Variants in COX16 observed in about 807,000 individuals in gnomAD.
COX16 encodes cytochrome c oxidase assembly factor COX16.
A neutral mutation model predicts 15.4 loss-of-function variants in COX16; 12 were observed. The ratio of observed to expected loss-of-function variants is 0.78; its 90% confidence interval spans 0.50 to 1.26. The LOEUF (loss-of-function observed/expected upper bound fraction) is 1.26. Among genes scored for constraint, COX16 ranks in the 50% most tolerant of loss-of-function variants. The pLI is 0.00. For synonymous variants in COX16, 46 were observed against 41.1 expected (o/e 1.12, Z -0.46); for missense variants, 124 against 127.6 (o/e 0.97, Z 0.14).
intron 2 of COX16, among the ~76,000 whole-genome samples, chr14:70,338,188 A>C (rs1410305743): frequency 1.3e-5 from 2 of 152,202 alleles, no homozygotes; most frequent in African/African-American, 4.8e-5. Flanking sequence ...ATCACAGCTC[A>C]CTGCAGTCTC....
chr14:70,337,083 A>G (rs1482931344), intron 2 of COX16, among the ~76,000 whole-genome samples: 1 of 152,172 alleles, frequency 6.6e-6, no homozygotes, highest in African/African-American at 2.4e-5. Context: ...GATGGCTGCT[A>G]CTGGAGGTCA....
At chr14:70,326,886 A>AT (rs1886096660) in intron 3 of COX16, among the ~76,000 whole-genome samples, 1 of 152,180 alleles carries the variant, frequency 6.6e-6, no homozygotes, top group Non-Finnish European at 1.5e-5. Context: ...GACCAAGATC[A>AT]TTTGTCTTAC....
At chr14:70,351,265 C>A (rs747846165) in intron 1 of COX16, among the ~76,000 whole-genome samples, 1 of 152,192 alleles carries the variant, frequency 6.6e-6, no homozygotes, top group Non-Finnish European at 1.5e-5. Flanking sequence ...ATACCACACT[C>A]TCCCTTTAAT....
chr14:70,329,344 A>G, intron 2 of COX16, 108 bp from the exon 3 acceptor site: 1 of 937,554 alleles, frequency 1.1e-6, no homozygotes, highest in Non-Finnish European at 1.6e-6. Context: ...CCAAATACAA[A>G]CACATGGCAA....
At position 70,326,469 on chromosome 14, in the gene COX16, T is replaced by TAA. The variant is rs1886080794; in HGVS notation, c.205-22_205-21dup. 1.3e-6 allele frequency: 2 copies of TAA among 1,551,678 alleles called. No individual in the cohort carries two copies. Among genetic ancestry groups the TAA allele is most frequent in the Middle Eastern group, 1.8e-4 (1 of 5,614 alleles). ...GATTTTCTATAGAACCACAAAAAAT[T>TAA]AAAGTATAAATATTAGTATAAGAGC... On this transcript the variant is annotated intron_variant, in intron 3 of 3. Transcript: ENST00000389912.
In COX16 at chr14:70,326,411, A is replaced by C; in HGVS notation, c.243T>G (p.Ile81Met). Residue 81 changes from isoleucine to methionine, a missense_variant, in exon 4 of 4, where the codon ATT (isoleucine) becomes ATG (methionine). Physicochemically the swap from Ile to Met is conservative, Grantham distance 10 (BLOSUM62 1). Coordinates refer to ENST00000389912, the MANE Select transcript of COX16 (RefSeq NM_016468.7). ...KDSKFDDWKN[I>M]RGPRPWEDPD... is the part of the protein sequence containing the mutation. Reference sequence around the variant, plus strand: ...GATCTTCCCAAGGCCTGGGTCCTCGAATATTCTTCCAGTCATCAAACTTGG... The same window carrying C: ...GATCTTCCCAAGGCCTGGGTCCTCGCATATTCTTCCAGTCATCAAACTTGG... 6.3e-7 allele frequency: 1 copy of C among 1,597,894 alleles called. No homozygotes were observed. The highest frequency in any genetic ancestry group is 1.1e-5 in the South Asian group (1 of 87,956).
intron 1 of COX16, among the ~76,000 whole-genome samples, chr14:70,358,084 C>T (rs776440003): frequency 2.0e-5 from 3 of 152,066 alleles, no homozygotes; most frequent in Non-Finnish European, 2.9e-5. Context: ...TGTGAATGAA[C>T]CTTAAAAACA....
chr14:70,332,736 G>A (rs777137147), intron 2 of COX16, among the ~76,000 whole-genome samples: 8 of 152,014 alleles, frequency 5.3e-5, no homozygotes, highest in Non-Finnish European at 1.0e-4. Context: ...CAATGAGAGG[G>A]GATCATCAGC....
intron 2 of COX16, among the ~76,000 whole-genome samples, chr14:70,339,703 CT>C (rs1886566861): frequency 6.6e-6 from 1 of 152,174 alleles, no homozygotes; most frequent in Non-Finnish European, 1.5e-5. Flanking sequence ...CTTAACTCCT[CT>C]CAACATTACC....
chr14:70,334,474 A>G (rs1454138345), intron 2 of COX16, among the ~76,000 whole-genome samples: 3 of 152,176 alleles, frequency 2.0e-5, no homozygotes, highest in Non-Finnish European at 4.4e-5. Context: ...CCGAGATTGC[A>G]CCACTGCACT....
At chr14:70,348,011 C>T (rs1886833709) in intron 1 of COX16, among the ~76,000 whole-genome samples, 1 of 152,136 alleles carries the variant, frequency 6.6e-6, no homozygotes, top group Non-Finnish European at 1.5e-5. Context: ...TCCTCACTCT[C>T]CCAGACCTCA....
intron 1 of COX16, 191 bp downstream of exon 1, chr14:70,359,328 G>A (rs1887226990): frequency 1.5e-6 from 1 of 663,300 alleles, no homozygotes; most frequent in South Asian, 1.5e-5. Flanking sequence ...GTGGGGGACA[G>A]CGGCGGGGAA....
intron 1 of COX16, among the ~76,000 whole-genome samples, chr14:70,354,982 CTCTCCTTTCCTGTATCATCAAAA>C (rs1887084793): frequency 6.6e-6 from 1 of 152,126 alleles, no homozygotes; most frequent in Non-Finnish European, 1.5e-5. Context: ...TTCATCAATT[CTCTCCTTTCCTGTATCATCAAAA>C]TCTTGCTCAC....
chr14:70,357,113 T>C (rs1887146772), intron 1 of COX16, among the ~76,000 whole-genome samples: 1 of 120,732 alleles, frequency 8.3e-6, no homozygotes, highest in South Asian at 2.7e-4. Context: ...TTACCTGACA[T>C]GGAGCTCAAC....
At chr14:70,326,599 G>T in intron 3 of COX16, 150 bp from the exon 4 acceptor site, 2 of 501,816 alleles carry the variant, frequency 4.0e-6, no homozygotes, top group Non-Finnish European at 6.3e-6. Context: ...TACAATCATT[G>T]ATGAAATGTC....
chr14:70,346,857 C>T (rs1341070763), intron 1 of COX16, among the ~76,000 whole-genome samples: 1 of 151,972 alleles, frequency 6.6e-6, no homozygotes, highest in African/African-American at 2.4e-5. Context: ...TTAGTCCTGC[C>T]CTCATACCAG....
intron 1 of COX16, 50 bp from the exon 2 acceptor site, chr14:70,342,779 A>G (rs72733767): frequency 0.088 from 140,005 of 1,592,106 alleles, 7,160 homozygotes; most frequent in Non-Finnish European, 0.1. Flanking sequence ...CCAGAATTCA[A>G]ATTCAGCCTA....
At chr14:70,342,339 G>A (rs1322329658) in intron 2 of COX16, among the ~76,000 whole-genome samples, 4 of 152,228 alleles carry the variant, frequency 2.6e-5, no homozygotes, top group Non-Finnish European at 4.4e-5. Context: ...TCAGCTACTC[G>A]GGAGGCTGAG....
chr14:70,325,570 A>T lies in COX16; in HGVS notation c.*763T>A, dbSNP rs897247221. The T allele has an allele frequency of 2.0e-5, 3 of 152,228 alleles. No individual in the cohort carries two copies. Among genetic ancestry groups the T allele is most frequent in the African/African-American group, 7.2e-5 (3 of 41,464 alleles). The allele number at this position is 152,228 out of a possible 1,614,324, so 9.4% of individuals were successfully genotyped here. A position where few individuals can be genotyped will look rare whatever the true frequency, so the allele number is the denominator to read the frequency against. On this transcript the variant is annotated 3_prime_UTR_variant, in exon 4 of 4. Coordinates refer to ENST00000389912, the MANE Select transcript of COX16 (RefSeq NM_016468.7). Reference sequence around the variant, plus strand: ...CTCCAGCCTGGGCGAACAGAGCGAGACTATGTCTCAAAACAAAACAAAAAC... The same window carrying T: ...CTCCAGCCTGGGCGAACAGAGCGAGTCTATGTCTCAAAACAAAACAAAAAC...
Sources: allele counts gnomAD v4.1 joint callset (sites outside exome capture counted in the v4.1 genomes callset), GRCh38; gene constraint gnomAD v4.1.1; transcripts MANE v1.5; gene names NCBI Gene and HGNC (gene_info 2026-07-23, HGNC 2026-07-21).